TLE4: variants seen among roughly 807,000 people sequenced by gnomAD.
The protein encoded by TLE4 is transducin-like enhancer protein 4.
Under a neutral mutation model 92.8 loss-of-function variants are expected in TLE4, and 8 were observed. That is an observed-to-expected ratio of 0.09 (90% CI 0.05 to 0.16). TLE4 has a LOEUF of 0.16. TLE4 is among the 10% of genes least tolerant of loss of function. The pLI is 1.00. For synonymous variants in TLE4, 371 were observed against 374.1 expected (o/e 0.99, Z 0.10); for missense variants, 675 against 997.6 (o/e 0.68, Z 4.36).
chr9:79,625,184 T>C (rs1297216426), intron 5 of TLE4, among the ~76,000 whole-genome samples: 79 of 150,778 alleles, frequency 5.2e-4, no homozygotes, highest in African/African-American at 1.8e-3. Flanking sequence ...TACGCCCGGC[T>C]AATTTTTTGT....
chr9:79,661,269 A>G lies in TLE4; in HGVS notation c.609+7194A>G, dbSNP rs112733824. Among the ~76,000 whole-genome samples the G allele has an allele frequency of 1.5e-3, 225 of 152,280 alleles. 1 individual carries two copies. Among genetic ancestry groups the G allele is most frequent in the African/African-American group, 4.1e-3 (169 of 41,552 alleles). On this transcript the variant is annotated intron_variant, in intron 8 of 19. Transcript: ENST00000376552. ...CAGTAACACTAACCCCACTCTGGAA[A>G]AATTATAAAATCACTCATGGGGTAG...
At chr9:79,603,838 A>G (rs2046230486) in intron 4 of TLE4, among the ~76,000 whole-genome samples, 2 of 152,158 alleles carry the variant, frequency 1.3e-5, no homozygotes, top group South Asian at 2.1e-4. Context: ...GGGCTATAAG[A>G]CAAAGCTATC....
chr9:79,664,024 A>G (rs1027351317), intron 8 of TLE4, among the ~76,000 whole-genome samples: 6 of 152,224 alleles, frequency 3.9e-5, no homozygotes, highest in Non-Finnish European at 8.8e-5. Context: ...TGTGAAATGC[A>G]TGAACATCTG....
rs751862890 is a variant in TLE4 at position 79,721,874 on chromosome 9, G to A, written c.1972G>A (p.Asp658Asn). 1.9e-6 allele frequency: 3 copies of A among 1,613,262 alleles called. No homozygotes were observed. Among genetic ancestry groups the A allele is most frequent in the South Asian group, 1.1e-5 (1 of 90,874 alleles). The change falls in exon 17 of 20, where the codon GAC becomes AAC. Residue 658 changes from aspartate (D) to asparagine (N), a missense_variant. Asp to Asn is a conservative substitution (Grantham distance 23, BLOSUM62 1). This residue lies in a region of TLE4 where 170 missense variants were observed against 359.6 expected (regional missense o/e 0.47). Coordinates refer to ENST00000376552, the MANE Select transcript of TLE4 (RefSeq NM_007005.6). ...CGAGGGGCGGCAGCTGCAGCAGCAC[G>A]ACTTCACCTCCCAGGTATGATCCGT... ...LREGRQLQQH[D>N]FTSQIFSLGY... is the part of the protein sequence containing the mutation.
chr9:79,687,383 T>C (rs2066101321), intron 8 of TLE4, among the ~76,000 whole-genome samples: 1 of 152,230 alleles, frequency 6.6e-6, no homozygotes, highest in African/African-American at 2.4e-5. Flanking sequence ...CCAGATTTTC[T>C]TCCTTGTCTC....
At chr9:79,629,341 A>G (rs2053582883) in intron 6 of TLE4, among the ~76,000 whole-genome samples, 1 of 152,110 alleles carries the variant, frequency 6.6e-6, no homozygotes. Context: ...AGTTCCCTTC[A>G]CTTCACATCA....
At chr9:79,627,321 T>A in intron 5 of TLE4, 53 bp from the exon 6 acceptor site, 1 of 1,587,740 alleles carries the variant, frequency 6.3e-7, no homozygotes, top group Non-Finnish European at 8.7e-7. Context: ...AAAGCTGTTC[T>A]TGACTGAGTA....
intron 6 of TLE4, among the ~76,000 whole-genome samples, chr9:79,628,958 G>A (rs2053462158): frequency 6.6e-6 from 1 of 151,924 alleles, no homozygotes; most frequent in African/African-American, 2.4e-5. Context: ...ACAAGTGCAG[G>A]TGTTGTATTC....
At chr9:79,572,967 A>C (rs1191589591) in intron 1 of TLE4, 132 bp downstream of exon 1, 6 of 959,200 alleles carry the variant, frequency 6.3e-6, no homozygotes, top group Non-Finnish European at 8.8e-6. Context: ...CCGCGCCGGG[A>C]GCAGCCCGCC....
chr9:79,611,195 C>G (rs1035166952), intron 4 of TLE4, among the ~76,000 whole-genome samples: 4 of 152,004 alleles, frequency 2.6e-5, no homozygotes, highest in African/African-American at 7.3e-5. Context: ...TTTGGTGATT[C>G]CCATTGCAGC....
chr9:79,679,050 T>C lies in TLE4; in HGVS notation c.609+24975T>C, dbSNP rs2063866857. On this transcript the variant is annotated intron_variant, in intron 8 of 19. Coordinates refer to ENST00000376552, the MANE Select transcript of TLE4 (RefSeq NM_007005.6). Reference sequence around the variant, plus strand: ...TGGACATTTGGGTTGGTTCCAAGTCTTTGCTATTGTGAATAGTGCCGCAGT... The same window carrying C: ...TGGACATTTGGGTTGGTTCCAAGTCCTTGCTATTGTGAATAGTGCCGCAGT... 2.0e-5 allele frequency among the ~76,000 whole-genome samples: 3 copies of C among 152,060 alleles called. No homozygotes were observed. In the South Asian group the frequency reaches 6.3e-4, roughly 32 times the overall value.
chr9:79,640,764 C>A (rs1414196110), intron 6 of TLE4, among the ~76,000 whole-genome samples: 1 of 152,110 alleles, frequency 6.6e-6, no homozygotes, highest in African/African-American at 2.4e-5. Context: ...TACCTACTAG[C>A]CGGTCTCCTG....
chr9:79,677,544 A>C (rs1041113600), intron 8 of TLE4, among the ~76,000 whole-genome samples: 6 of 151,948 alleles, frequency 3.9e-5, no homozygotes, highest in African/African-American at 1.4e-4. Context: ...CCGTGGTAGA[A>C]ACTTTTTTAA....
intron 1 of TLE4, chr9:79,573,176 C>T (rs2036371632): frequency 2.2e-6 from 2 of 915,546 alleles, no homozygotes; most frequent in African/African-American, 1.8e-5. Flanking sequence ...GCGGGGAGGG[C>T]GCCCTCGGCA....
chr9:79,706,135 C>T (rs2071497434), intron 10 of TLE4, among the ~76,000 whole-genome samples, 193 bp downstream of exon 10: 1 of 152,070 alleles, frequency 6.6e-6, no homozygotes, highest in African/African-American at 2.4e-5. Context: ...GCCTTGAACT[C>T]CTACGCTAAA....
intron 5 of TLE4, among the ~76,000 whole-genome samples, chr9:79,622,012 C>CA (rs1205130546): frequency 6.6e-6 from 1 of 152,210 alleles, no homozygotes; most frequent in Non-Finnish European, 1.5e-5. Context: ...CCATCTTACT[C>CA]AAATGCAGAA....
At chr9:79,709,912 T>C (rs1241139947) in intron 14 of TLE4, among the ~76,000 whole-genome samples, 3 of 152,238 alleles carry the variant, frequency 2.0e-5, no homozygotes, top group Non-Finnish European at 2.9e-5. Flanking sequence ...AATATGTAAA[T>C]GCAAATTGCA....
chr9:79,697,530 T>G (rs1214562511), intron 8 of TLE4, among the ~76,000 whole-genome samples: 1 of 152,094 alleles, frequency 6.6e-6, no homozygotes, highest in African/African-American at 2.4e-5. Flanking sequence ...ATCAACCCTG[T>G]GTCTTTGGCA....
In TLE4 at chr9:79,572,659, G is replaced by T. The variant is rs924410474; in HGVS notation, c.-132G>T. The T allele has an allele frequency of 1.5e-6, 1 of 664,774 alleles. No homozygotes were observed. Among genetic ancestry groups the T allele is most frequent in the African/African-American group, 1.9e-5 (1 of 51,598 alleles). 41.2% of individuals were successfully genotyped at this position (664,774 alleles called of 1,614,324 possible). On this transcript the variant is annotated 5_prime_UTR_variant, in exon 1 of 20. Transcript: ENST00000376552. ...GCCCGTGTCACGCGAGACCCGGCGG[G>T]GGCCGGGACCGCCCGAGCCGCCCCT...
Sources: gnomAD v4.1 joint callset for allele counts (sites outside exome capture counted in the v4.1 genomes callset) on GRCh38, gnomAD v4.1.1 for gene constraint, gnomAD v4.1.1 regional missense constraint, MANE v1.5 for transcripts, NCBI Gene and HGNC (gene_info 2026-07-23, HGNC 2026-07-21) for gene names.